Variants in CPNE4 observed in about 807,000 individuals in gnomAD.
The protein encoded by CPNE4 is copine-4.
In CPNE4, 25 loss-of-function variants were observed where a neutral mutation model predicts 67.9. The observed-to-expected ratio is 0.37, with a 90% CI of 0.27 to 0.51. CPNE4 has a LOEUF of 0.51. CPNE4 is among the 20% of genes least tolerant of loss of function. The pLI, the probability that CPNE4 is intolerant of heterozygous loss-of-function variation, is 0.93. For missense variants in CPNE4, 464 were observed against 690.8 expected (o/e 0.67, Z 3.68); for synonymous variants, 242 against 244.9 (o/e 0.99, Z 0.11).
intron 1 of CPNE4, among the ~76,000 whole-genome samples, chr3:131,983,616 G>A (rs2072966117): frequency 6.6e-6 from 1 of 152,104 alleles, no homozygotes; most frequent in Non-Finnish European, 1.5e-5. Context: ...CACACTGTGG[G>A]CAAAGACATA....
chr3:131,827,010 A>G (rs2085186507), intron 2 of CPNE4, among the ~76,000 whole-genome samples: 1 of 152,164 alleles, frequency 6.6e-6, no homozygotes, highest in Admixed American at 6.5e-5. Context: ...ACTGCACTCC[A>G]TCCTGGGTGA....
At chr3:131,952,161 C>T (rs1237343984) in intron 1 of CPNE4, among the ~76,000 whole-genome samples, 2 of 150,652 alleles carry the variant, frequency 1.3e-5, no homozygotes, top group Non-Finnish European at 3.0e-5. Context: ...AAGTGAGGAG[C>T]ATCTCTGCCC....
intron 2 of CPNE4, among the ~76,000 whole-genome samples, chr3:131,899,406 T>A (rs139805136): frequency 6.6e-6 from 1 of 152,248 alleles, no homozygotes; most frequent in African/African-American, 2.4e-5. Context: ...AATCTCATGA[T>A]CTTTGAGTTA....
intron 2 of CPNE4, among the ~76,000 whole-genome samples, chr3:131,773,700 T>C (rs1439168100): frequency 6.6e-6 from 1 of 152,182 alleles, no homozygotes; most frequent in Non-Finnish European, 1.5e-5. Context: ...TGTGATCTAA[T>C]TATGCACATA....
chr3:132,015,403 C>T lies in CPNE4; in HGVS notation c.-2+19164G>A, dbSNP rs148517649. ...TCTGCTAGAAGGTAACCCTTTCAACCAAGTTTCACCTGATAAAAGAAGGGA... is the reference window on the plus strand; with the variant it reads ...TCTGCTAGAAGGTAACCCTTTCAACTAAGTTTCACCTGATAAAAGAAGGGA... On this transcript the variant is annotated intron_variant, in intron 1 of 15. Coordinates refer to ENST00000429747, the MANE Select transcript of CPNE4 (RefSeq NM_130808.3). Among the ~76,000 whole-genome samples, 304 of 152,188 alleles carry T rather than the reference C, an allele frequency of 2.0e-3. 1 individual carries two copies. The highest frequency in any genetic ancestry group is 6.8e-3 in the African/African-American group (282 of 41,516).
At chr3:131,756,442 G>C (rs928103675) in intron 2 of CPNE4, among the ~76,000 whole-genome samples, 2 of 152,212 alleles carry the variant, frequency 1.3e-5, no homozygotes, top group Non-Finnish European at 2.9e-5. Context: ...TTATAGGGCA[G>C]AGCTTCTCTT....
chr3:131,755,063 T>C (rs2107803453), intron 2 of CPNE4, among the ~76,000 whole-genome samples: 1 of 152,288 alleles, frequency 6.6e-6, no homozygotes, highest in East Asian at 1.9e-4. Context: ...TCCTATATTA[T>C]ACTATTATAA....
At chr3:131,545,149 G>A (rs548255129) in intron 14 of CPNE4, among the ~76,000 whole-genome samples, 3 of 152,316 alleles carry the variant, frequency 2.0e-5, no homozygotes, top group South Asian at 4.1e-4. Flanking sequence ...ATGAATATGA[G>A]AGGCTGTGTT....
At position 132,034,741 on chromosome 3, in the gene CPNE4, A is replaced by G; in HGVS notation, c.-176T>C. 2 of 984,756 alleles carry G rather than the reference A, an allele frequency of 2.0e-6. No individual in the cohort carries two copies. The highest frequency in any genetic ancestry group is 2.4e-6 in the Non-Finnish European group (2 of 829,974). The allele number at this position is 984,756 out of a possible 1,614,324, so 61.0% of individuals were successfully genotyped here. On this transcript the variant is annotated 5_prime_UTR_variant, in exon 1 of 16. Coordinates refer to ENST00000429747, the MANE Select transcript of CPNE4 (RefSeq NM_130808.3). Reference sequence around the variant, plus strand: ...CTCGTCCTCCGAGGTCAGTTTAGCAACAGCGGCTGGGAAAGGTGCTGAGAG... The same window carrying G: ...CTCGTCCTCCGAGGTCAGTTTAGCAGCAGCGGCTGGGAAAGGTGCTGAGAG...
At chr3:132,015,993 C>T (rs1437849282) in intron 1 of CPNE4, among the ~76,000 whole-genome samples, 1 of 152,204 alleles carries the variant, frequency 6.6e-6, no homozygotes, top group Non-Finnish European at 1.5e-5. Context: ...CATACATTTG[C>T]TATGAAAACA....
chr3:131,852,849 A>T (rs1583327732), intron 2 of CPNE4, among the ~76,000 whole-genome samples: 1 of 151,552 alleles, frequency 6.6e-6, no homozygotes, highest in East Asian at 1.9e-4. Flanking sequence ...ATAATAATAC[A>T]AAAATATAAT....
intron 7 of CPNE4, among the ~76,000 whole-genome samples, chr3:131,657,703 T>TG (rs2080012499): frequency 1.3e-5 from 1 of 75,456 alleles, no homozygotes; most frequent in Admixed American, 1.5e-4. Context: ...TCCAGCTAAT[T>TG]TTGTGTGTGT....
At chr3:131,856,340 C>T (rs1285874898) in intron 2 of CPNE4, among the ~76,000 whole-genome samples, 1 of 151,752 alleles carries the variant, frequency 6.6e-6, no homozygotes, top group African/African-American at 2.4e-5. Context: ...CCTCAGCCTC[C>T]CAAAGTGCTA....
At chr3:131,541,780 C>A (rs1935508368) in intron 15 of CPNE4, among the ~76,000 whole-genome samples, 2 of 152,080 alleles carry the variant, frequency 1.3e-5, no homozygotes, top group South Asian at 4.1e-4. Context: ...AAGTGATTCT[C>A]CTGCCTCAGC....
intron 1 of CPNE4, among the ~76,000 whole-genome samples, chr3:131,911,543 TTGTGTGTGTGTGTG>T (rs3041573): frequency 0.19 from 27,638 of 146,008 alleles, 3,118 homozygotes; most frequent in Non-Finnish European, 0.25. Context: ...GCACTCCAAG[TTGTGTGTGTGTGTG>T]TGTGTGTGTG....
At chr3:131,752,268 C>T (rs1252862412) in intron 2 of CPNE4, among the ~76,000 whole-genome samples, 1 of 152,132 alleles carries the variant, frequency 6.6e-6, no homozygotes, top group African/African-American at 2.4e-5. Context: ...CCCACCTGGT[C>T]TTTGCTGGCA....
intron 2 of CPNE4, among the ~76,000 whole-genome samples, chr3:131,823,545 G>A (rs1356644729): frequency 6.6e-6 from 1 of 152,166 alleles, no homozygotes; most frequent in Non-Finnish European, 1.5e-5. Flanking sequence ...TTTTCACTGA[G>A]TGTGCGGTAA....
intron 2 of CPNE4, among the ~76,000 whole-genome samples, chr3:131,902,075 TTTATTATTA>T (rs67648379): frequency 6.6e-6 from 1 of 150,848 alleles, no homozygotes; most frequent in Non-Finnish European, 1.5e-5. Flanking sequence ...GCACTTTGGT[TTTATTATTA>T]TTATTATTAT....
intron 2 of CPNE4, among the ~76,000 whole-genome samples, chr3:131,778,761 C>T (rs774666777): frequency 6.6e-6 from 1 of 151,972 alleles, no homozygotes; most frequent in African/African-American, 2.4e-5. Flanking sequence ...GGGATAGGCT[C>T]GCAGTTACAG....
Sources: allele counts gnomAD v4.1 joint callset (sites outside exome capture counted in the v4.1 genomes callset), GRCh38; gene constraint gnomAD v4.1.1; transcripts MANE v1.5; gene names NCBI Gene and HGNC (gene_info 2026-07-23, HGNC 2026-07-21).